Variants in CCBE1 observed in about 807,000 individuals in gnomAD.
CCBE1 encodes the protein collagen and calcium-binding EGF domain-containing protein 1.
Under a neutral mutation model 50.0 loss-of-function variants are expected in CCBE1, and 37 were observed. That is an observed-to-expected ratio of 0.74 (90% confidence interval 0.57 to 0.97). The LOEUF is 0.97. CCBE1 is among the 50% of genes least tolerant of loss of function. CCBE1 has a pLI of 0.00. For synonymous variants in CCBE1, 234 were observed against 203.7 expected, an observed-to-expected ratio of 1.15 and a Z score of -1.27; for missense variants, 538 against 523.8, an observed-to-expected ratio of 1.03 and a Z score of -0.26.
intron 2 of CCBE1, among the ~76,000 whole-genome samples, chr18:59,514,253 T>C (rs1914263639): frequency 6.6e-6 from 1 of 152,168 alleles, no homozygotes; most frequent in South Asian, 2.1e-4. Flanking sequence ...GACCTGAATC[T>C]TTTACCGTAT....
intron 2 of CCBE1, among the ~76,000 whole-genome samples, chr18:59,505,863 C>A (rs891308445): frequency 2.0e-5 from 3 of 152,116 alleles, no homozygotes; most frequent in Non-Finnish European, 4.4e-5. Context: ...GAATCTTAAA[C>A]AGAAATAGAA....
chr18:59,647,777 T>A (rs2054074075), intron 2 of CCBE1, among the ~76,000 whole-genome samples: 1 of 152,230 alleles, frequency 6.6e-6, no homozygotes, highest in Non-Finnish European at 1.5e-5. Flanking sequence ...ATTGTTTCGA[T>A]GGAATAAAAA....
At chr18:59,509,770 C>T (rs572368221) in intron 2 of CCBE1, among the ~76,000 whole-genome samples, 2 of 152,254 alleles carry the variant, frequency 1.3e-5, no homozygotes, top group African/African-American at 2.4e-5. Context: ...ATCCAGAGGG[C>T]TTCTTCCCTC....
chr18:59,508,148 C>G (rs1913967208), intron 2 of CCBE1, among the ~76,000 whole-genome samples: 1 of 151,874 alleles, frequency 6.6e-6, no homozygotes, highest in South Asian at 2.1e-4. Context: ...GCCTCGGCCT[C>G]CCAAAGTGCT....
At chr18:59,494,418 G>A (rs1913251478) in intron 2 of CCBE1, among the ~76,000 whole-genome samples, 1 of 152,016 alleles carries the variant, frequency 6.6e-6, no homozygotes, top group Non-Finnish European at 1.5e-5. Flanking sequence ...TAATCTGTAG[G>A]GCATAAGAGG....
At chr18:59,645,240 A>G (rs573780464) in intron 2 of CCBE1, among the ~76,000 whole-genome samples, 1 of 151,950 alleles carries the variant, frequency 6.6e-6, no homozygotes, top group African/African-American at 2.4e-5. Flanking sequence ...CAACAACAAC[A>G]AAAAAGCTAC....
In CCBE1 at chr18:59,463,428, C is replaced by T. The variant is rs76110930; in HGVS notation, c.553+3311G>A. 4.4e-3 allele frequency among the ~76,000 whole-genome samples: 668 copies of T among 152,330 alleles called. 3 individuals are homozygous for T. The highest frequency in any genetic ancestry group is 0.015 in the African/African-American group (611 of 41,566). On this transcript the variant is annotated intron_variant, in intron 5 of 10. Transcript: ENST00000439986. ...ATTTTCTCTGACTTACAGCCACCGC[C>T]AGGGCACCACACAGCAGGGCCATAC...
At chr18:59,642,977 T>G (rs1599093539) in intron 2 of CCBE1, among the ~76,000 whole-genome samples, 2 of 140,090 alleles carry the variant, frequency 1.4e-5, no homozygotes, top group African/African-American at 2.7e-5. Flanking sequence ...AAAATTACAA[T>G]GAAGGATAAA....
In CCBE1 at chr18:59,697,193, TG is replaced by T. The variant is rs1392915680; in HGVS notation, c.131+18del. On this transcript the variant is annotated intron_variant, in intron 1 of 10. Transcript: ENST00000439986. ...CATCAAGCAGGAGCTCGCCCTCCGC[TG>T]GGGCTTGCAGCGCTTACCTGTCGCC... The T allele has an allele frequency of 2.6e-6, 4 of 1,548,220 alleles. No individual in the cohort carries two copies. Among genetic ancestry groups the T allele is most frequent in the Non-Finnish European group, 3.5e-6 (4 of 1,146,620 alleles).
At chr18:59,665,758 A>G (rs1188335185) in intron 2 of CCBE1, among the ~76,000 whole-genome samples, 1 of 152,166 alleles carries the variant, frequency 6.6e-6, no homozygotes, top group Non-Finnish European at 1.5e-5. Flanking sequence ...AGCATTTCCC[A>G]CTAAAAAGCA....
rs1189106087 is a variant in CCBE1 at position 59,431,027 on chromosome 18, G to A, written c.*4881C>T. The stretch of plus-strand genomic sequence containing the variant: ...TCCATAATTGCTTGAATGCTAACTT[G>A]ACTGTTACATGGACCTGTTACAAAT... On this transcript the variant is annotated 3_prime_UTR_variant, in exon 11 of 11. Transcript: ENST00000439986. The A allele has an allele frequency of 6.6e-6, 1 of 152,152 alleles. No individual in the cohort carries two copies. Among genetic ancestry groups the A allele is most frequent in the Non-Finnish European group, 1.5e-5 (1 of 68,030 alleles). The allele number at this position is 152,152 out of a possible 1,614,324, so 9.4% of individuals were successfully genotyped here. A position where few individuals can be genotyped will look rare whatever the true frequency, so the allele number is the denominator to read the frequency against.
chr18:59,542,173 C>CCAAAAA (rs546775232), intron 2 of CCBE1, among the ~76,000 whole-genome samples: 5 of 134,944 alleles, frequency 3.7e-5, no homozygotes, highest in Non-Finnish European at 7.9e-5. Flanking sequence ...GATCCTGTCT[C>CCAAAAA]AAAAAAAAAA....
Position 59,434,038 on chromosome 18 carries a change from T to A in CCBE1, c.*1870A>T, listed in dbSNP as rs1263786982. The A allele has an allele frequency of 3.3e-5, 5 of 151,654 alleles. No homozygotes were observed. The highest frequency in any genetic ancestry group is 4.2e-4 in the South Asian group (2 of 4,778). 9.4% of individuals were successfully genotyped at this position (151,654 alleles called of 1,614,324 possible). ...CTGAGTAGCTGGGATTACAGGTGTG[T>A]GCCAACACGCCCAGCTAATTTTTGT... On this transcript the variant is annotated 3_prime_UTR_variant, in exon 11 of 11. Coordinates refer to ENST00000439986, the MANE Select transcript of CCBE1 (RefSeq NM_133459.4).
intron 2 of CCBE1, among the ~76,000 whole-genome samples, chr18:59,658,325 A>C (rs1285562771): frequency 7.4e-4 from 5 of 6,742 alleles, no homozygotes; most frequent in African/African-American, 3.5e-3. Context: ...TGTCTCTAAA[A>C]AAAAAAAAAA....
chr18:59,561,431 G>A (rs541958492), intron 2 of CCBE1, among the ~76,000 whole-genome samples: 28 of 152,244 alleles, frequency 1.8e-4, no homozygotes, highest in African/African-American at 6.5e-4. Flanking sequence ...ACGTGCTTTG[G>A]TCAAGGAATA....
At chr18:59,552,060 A>G (rs962481745) in intron 2 of CCBE1, among the ~76,000 whole-genome samples, 2 of 152,186 alleles carry the variant, frequency 1.3e-5, no homozygotes, top group African/African-American at 2.4e-5. Flanking sequence ...GATGGCCTCA[A>G]TTCACACAAC....
chr18:59,471,505 T>C (rs898470472), intron 3 of CCBE1, among the ~76,000 whole-genome samples: 3 of 152,236 alleles, frequency 2.0e-5, no homozygotes, highest in South Asian at 4.1e-4. Context: ...AAAGCTATTC[T>C]TTGCTGAGCC....
chr18:59,504,670 C>A (rs368099153), intron 2 of CCBE1, among the ~76,000 whole-genome samples: 1 of 152,164 alleles, frequency 6.6e-6, no homozygotes, highest in African/African-American at 2.4e-5. Flanking sequence ...CTAGACAGTA[C>A]ATTTTGCATG....
intron 2 of CCBE1, among the ~76,000 whole-genome samples, chr18:59,658,893 A>C (rs971959302): frequency 6.6e-6 from 1 of 150,830 alleles, no homozygotes; most frequent in African/African-American, 2.4e-5. Context: ...AAAAAAAAAA[A>C]AAAAAAAAAA....
Sources: gnomAD v4.1 joint callset for allele counts (sites outside exome capture counted in the v4.1 genomes callset) on GRCh38, gnomAD v4.1.1 for gene constraint, MANE v1.5 for transcripts, NCBI Gene and HGNC (gene_info 2026-07-23, HGNC 2026-07-21) for gene names.